The following RBFOX1 variants were observed in gnomAD, a reference collection of about 807,000 sequenced individuals.
RBFOX1 encodes RNA binding fox-1 homolog 1.
Under a neutral mutation model 57.7 loss-of-function variants are expected in RBFOX1, and 8 were observed. The observed-to-expected ratio is 0.14, with a 90% confidence interval of 0.08 to 0.25. RBFOX1 has a LOEUF of 0.25. Among genes scored for constraint, RBFOX1 ranks in the 10% least tolerant of loss-of-function variants. RBFOX1 has a pLI of 1.00. For missense variants in RBFOX1, 611 were observed against 548.5 expected, an observed-to-expected ratio of 1.11 and a Z score of -1.14; for synonymous variants, 326 against 222.4, an observed-to-expected ratio of 1.47 and a Z score of -4.15.
intron 3 of RBFOX1, among the ~76,000 whole-genome samples, chr16:6,815,452 C>G (rs148389250): frequency 6.6e-6 from 1 of 152,168 alleles, no homozygotes; most frequent in Non-Finnish European, 1.5e-5. Flanking sequence ...TCAAACACCT[C>G]TGACATTCGC....
At chr16:7,582,601 C>T (rs2093859198) in intron 6 of RBFOX1, among the ~76,000 whole-genome samples, 1 of 152,194 alleles carries the variant, frequency 6.6e-6, no homozygotes, top group Non-Finnish European at 1.5e-5. Flanking sequence ...GCTCCCTGCA[C>T]TGGAGCTTAG....
chr16:6,276,760 C>A (rs1018666251), intron 1 of RBFOX1, among the ~76,000 whole-genome samples: 2 of 152,114 alleles, frequency 1.3e-5, no homozygotes, highest in Non-Finnish European at 2.9e-5. Flanking sequence ...TTTATCACAG[C>A]ATCCTGTTTA....
chr16:5,598,383 C>T (rs901304681), intron 2 of RBFOX1, among the ~76,000 whole-genome samples: 6 of 152,078 alleles, frequency 3.9e-5, no homozygotes, highest in African/African-American at 1.4e-4. Context: ...AGCACTGCCT[C>T]AGGAGTGTCA....
intron 1 of RBFOX1, among the ~76,000 whole-genome samples, chr16:6,190,362 G>C (rs1026313940): frequency 1.3e-5 from 2 of 152,190 alleles, no homozygotes; most frequent in Non-Finnish European, 2.9e-5. Flanking sequence ...AGTATCAACA[G>C]AATTATGTAG....
At position 6,551,948 on chromosome 16, in the gene RBFOX1, T is replaced by G. The variant is rs1284664577; in HGVS notation, c.-63-102655T>G. On this transcript the variant is annotated intron_variant, in intron 2 of 15. Transcript: ENST00000550418. Reference sequence around the variant, plus strand: ...TAAATTTTTGAGAGTTATTTGGATTTCAGAAGGATTTGCCTCTCATCTTCT... The same window carrying G: ...TAAATTTTTGAGAGTTATTTGGATTGCAGAAGGATTTGCCTCTCATCTTCT... 2.0e-5 allele frequency among the ~76,000 whole-genome samples: 3 copies of G among 152,230 alleles called. No individual in the cohort carries two copies. The East Asian group carries it at 5.8e-4, about 29-fold the overall frequency.
At chr16:7,322,701 C>T (rs979623675) in intron 4 of RBFOX1, among the ~76,000 whole-genome samples, 3 of 152,074 alleles carry the variant, frequency 2.0e-5, no homozygotes, top group African/African-American at 7.2e-5. Flanking sequence ...ATTGAGGAAC[C>T]GCAGTTTCAC....
At chr16:6,221,384 T>C (rs999637698) in intron 1 of RBFOX1, among the ~76,000 whole-genome samples, 38 of 152,198 alleles carry the variant, frequency 2.5e-4, no homozygotes, top group African/African-American at 8.2e-4. Flanking sequence ...ATCTTCCTAA[T>C]AGAGGCCTGC....
At chr16:6,531,260 C>T (rs1451111315) in intron 2 of RBFOX1, among the ~76,000 whole-genome samples, 2 of 152,278 alleles carry the variant, frequency 1.3e-5, no homozygotes, top group African/African-American at 4.8e-5. Context: ...TGTCTGTAGA[C>T]TTCTAACTGG....
chr16:5,396,493 T>G (rs975599890), intron 1 of RBFOX1, among the ~76,000 whole-genome samples: 2 of 152,148 alleles, frequency 1.3e-5, no homozygotes, highest in Middle Eastern at 3.4e-3. Flanking sequence ...ATAAAAAAAA[T>G]TAGCTGGGTG....
At chr16:7,029,782 C>T (rs915874601) in intron 3 of RBFOX1, among the ~76,000 whole-genome samples, 2 of 152,142 alleles carry the variant, frequency 1.3e-5, no homozygotes, top group South Asian at 2.1e-4. Flanking sequence ...CCCATGTGAT[C>T]TGATCTTCAC....
At chr16:7,218,001 CAT>C (rs1211588894) in intron 4 of RBFOX1, among the ~76,000 whole-genome samples, 8 of 150,564 alleles carry the variant, frequency 5.3e-5, no homozygotes, top group South Asian at 2.1e-4. Context: ...TGTGCACGTG[CAT>C]GTGTGTTTGT....
chr16:5,933,415 T>C (rs3890222), intron 4 of RBFOX1, among the ~76,000 whole-genome samples: 95,245 of 151,974 alleles, frequency 0.63, 30,031 homozygotes, highest in Middle Eastern at 0.76. Context: ...CCTGCCAGAG[T>C]GGCTCCGACA....
chr16:6,183,434 C>T (rs534629342), intron 1 of RBFOX1, among the ~76,000 whole-genome samples: 36 of 151,576 alleles, frequency 2.4e-4, no homozygotes, highest in African/African-American at 8.0e-4. Context: ...GAGCCGAGAT[C>T]GCGCCATTGT....
chr16:7,113,135 A>G (rs142099617), intron 4 of RBFOX1, among the ~76,000 whole-genome samples: 5 of 152,166 alleles, frequency 3.3e-5, no homozygotes, highest in African/African-American at 7.2e-5. Flanking sequence ...AGATCTCTGC[A>G]GATATATACG....
At chr16:7,390,522 G>C (rs2097986244) in intron 4 of RBFOX1, among the ~76,000 whole-genome samples, 1 of 152,154 alleles carries the variant, frequency 6.6e-6, no homozygotes, top group African/African-American at 2.4e-5. Flanking sequence ...TCACAAAATT[G>C]TAAAGACTGA....
chr16:7,634,441 A>C (rs899527556), intron 11 of RBFOX1, among the ~76,000 whole-genome samples: 1 of 150,620 alleles, frequency 6.6e-6, no homozygotes, highest in Non-Finnish European at 1.5e-5. Context: ...ATAGCTAATC[A>C]TCTGTAAATA....
chr16:5,909,088 C>CTTT (rs367978011), intron 4 of RBFOX1, among the ~76,000 whole-genome samples: 4,539 of 77,516 alleles, frequency 0.059, 286 homozygotes, highest in African/African-American at 0.16. Context: ...GACTAAGCCC[C>CTTT]CCTTTTTTTT....
At chr16:6,195,886 C>A (rs2097176854) in intron 1 of RBFOX1, among the ~76,000 whole-genome samples, 1 of 152,028 alleles carries the variant, frequency 6.6e-6, no homozygotes, top group Admixed American at 6.6e-5. Flanking sequence ...GAATCATGAT[C>A]CTAACACATC....
intron 3 of RBFOX1, among the ~76,000 whole-genome samples, chr16:5,715,085 C>T (rs1267330815): frequency 6.6e-6 from 1 of 152,190 alleles, no homozygotes; most frequent in Non-Finnish European, 1.5e-5. Context: ...GACGCAGCCG[C>T]CTTGTTTAGC....
Sources: gnomAD v4.1 joint callset for allele counts (sites outside exome capture counted in the v4.1 genomes callset) on GRCh38, gnomAD v4.1.1 for gene constraint, MANE v1.5 for transcripts, NCBI Gene and HGNC (gene_info 2026-07-23, HGNC 2026-07-21) for gene names.